Variants in TENM1 observed in about 807,000 individuals in gnomAD.
TENM1 encodes the protein teneurin transmembrane protein 1, also known as teneurin-1.
In TENM1, 35 loss-of-function variants were observed where a neutral mutation model predicts 174.8. The ratio of observed to expected loss-of-function variants is 0.20; its 90% CI spans 0.15 to 0.27. The LOEUF (loss-of-function observed/expected upper bound fraction) is 0.27, where lower values mean the gene tolerates loss of function less well. TENM1 is among the 10% of genes least tolerant of loss of function. The pLI, the probability that TENM1 is intolerant of heterozygous loss-of-function variation, is 1.00. For missense variants in TENM1, 1,633 were observed against 2,130.1 expected (o/e 0.77, Z 4.59); for synonymous variants, 781 against 798.7 (o/e 0.98, Z 0.37).
At chrX:124,452,842 GA>G (rs1397912854) in intron 23 of TENM1, among the ~76,000 whole-genome samples, 1 of 82,427 alleles carries the variant, frequency 1.2e-5, no homozygotes, top group Non-Finnish European at 2.3e-5. Flanking sequence ...CAGGAAGGGG[GA>G]CATCACTCAC....
chrX:124,858,637 T>C (rs944502571), intron 3 of TENM1, among the ~76,000 whole-genome samples: 1 of 112,111 alleles, frequency 8.9e-6, no homozygotes, highest in African/African-American at 3.2e-5. Flanking sequence ...TGAGCACATC[T>C]GTAATCCTTA....
At chrX:124,593,650 G>A (rs1239333326) in intron 11 of TENM1, among the ~76,000 whole-genome samples, 1 of 111,633 alleles carries the variant, frequency 9.0e-6, no homozygotes, top group Non-Finnish European at 1.9e-5. Flanking sequence ...AATGTTCTAA[G>A]TACCTGAATT....
chrX:124,399,610 C>T (rs958471136), intron 27 of TENM1, among the ~76,000 whole-genome samples: 13 of 112,064 alleles, frequency 1.2e-4, no homozygotes, highest in African/African-American at 4.2e-4. Context: ...TGCTCATATA[C>T]AGGTGAAATG....
chrX:124,677,497 A>T (rs2052118474), intron 5 of TENM1, among the ~76,000 whole-genome samples: 1 of 111,487 alleles, frequency 9.0e-6, no homozygotes, highest in African/African-American at 3.2e-5. Context: ...TTAAATTGAG[A>T]ATATTCCTTG....
At position 124,419,135 on chromosome X, in the gene TENM1, A is replaced by C. The variant is rs7052469; in HGVS notation, c.4982+1176T>G. On this transcript the variant is annotated intron_variant, in intron 25 of 31. Transcript: ENST00000422452. ...TGGAAGAGAATTACTTTCAAAAAAC[A>C]GAGGAAGACTTGCAACTGAAACAAC... Among the ~76,000 whole-genome samples the C allele has an allele frequency of 9.7e-3, 1,090 of 112,405 alleles. 14 individuals carry two copies. Among genetic ancestry groups the C allele is most frequent in the African/African-American group, 0.034 (1,055 of 30,929 alleles).
chrX:124,491,577 T>C lies in TENM1; in HGVS notation c.3696-4348A>G, dbSNP rs2047067503. Among the ~76,000 whole-genome samples the C allele has an allele frequency of 2.7e-5, 3 of 111,873 alleles. No homozygotes were observed. The Admixed American group carries it at 2.9e-4, about 11-fold the overall frequency. ...AAGCTTTAAGATGCATACATACGAA[T>C]GAAATCTGCAGGAAACAGGCAAAGG... On this transcript the variant is annotated intron_variant, in intron 20 of 31. Coordinates refer to ENST00000422452, the Ensembl canonical transcript of TENM1.
chrX:124,960,425 T>C (rs2058636196), intron 1 of TENM1, among the ~76,000 whole-genome samples: 1 of 112,388 alleles, frequency 8.9e-6, no homozygotes, highest in African/African-American at 3.2e-5. Context: ...GTTTTGAGTG[T>C]CTATTTTCTC....
chrX:125,191,008 T>A, the TENM1 span, among the ~76,000 whole-genome samples: 13 of 111,883 alleles, frequency 1.2e-4, no homozygotes, highest in Admixed American at 6.7e-4. Context: ...CATCTTTTTT[T>A]AATGGCCATT....
At position 124,671,760 on chromosome X, in the gene TENM1, C is replaced by A; in HGVS notation, c.1091G>T (p.Gly364Val). 8.3e-7 allele frequency: 1 copy of A among 1,210,312 alleles called. No individual in the cohort carries two copies. The highest frequency in any genetic ancestry group is 1.1e-6 in the Non-Finnish European group (1 of 894,444). Reference sequence around the variant, plus strand: ...GTCCATGGACTCGGTCCCCCTGTTCCCTTTGCTAACTCCATTTGCATACAG... The same window carrying A: ...GTCCATGGACTCGGTCCCCCTGTTCACTTTGCTAACTCCATTTGCATACAG... Residue 364 changes from glycine (G) to valine (V), a missense_variant, in exon 6 of 32, where the codon GGG becomes GTG. Gly to Val is a moderately radical substitution (Grantham distance 109). Transcript: ENST00000422452.
intron 3 of TENM1, among the ~76,000 whole-genome samples, chrX:124,761,202 C>T (rs1419990643): frequency 9.0e-6 from 1 of 110,769 alleles, no homozygotes; most frequent in Non-Finnish European, 1.9e-5. Flanking sequence ...GGTATATACC[C>T]AAAGGATTAC....
chrX:124,427,949 T>G (rs902606312), intron 23 of TENM1, among the ~76,000 whole-genome samples: 1 of 109,439 alleles, frequency 9.1e-6, no homozygotes, highest in Non-Finnish European at 1.9e-5. Context: ...ACTTCTTTTT[T>G]GGGGGGGTGG....
chrX:125,108,761 T>C, the TENM1 span, among the ~76,000 whole-genome samples: 3 of 104,287 alleles, frequency 2.9e-5, no homozygotes, highest in Non-Finnish European at 5.8e-5. Context: ...TATATATATA[T>C]ACACAGATGT....
At chrX:124,716,094 G>A (rs957473314) in intron 4 of TENM1, among the ~76,000 whole-genome samples, 1 of 111,696 alleles carries the variant, frequency 9.0e-6, no homozygotes. Context: ...TACATTAAAG[G>A]TAAGAATATT....
At chrX:125,107,453 A>T in the TENM1 span, among the ~76,000 whole-genome samples, 35 of 112,074 alleles carry the variant, frequency 3.1e-4, no homozygotes, top group African/African-American at 1.0e-3. Context: ...ATACTTTTTG[A>T]CATAACTATA....
chrX:125,084,378 A>AT, the TENM1 span, among the ~76,000 whole-genome samples: 4 of 108,771 alleles, frequency 3.7e-5, no homozygotes, highest in Non-Finnish European at 5.8e-5. Context: ...CCTGAAAACT[A>AT]TTTTTTTTTC....
chrX:124,616,903 G>C (rs1389668676), intron 11 of TENM1, among the ~76,000 whole-genome samples: 3 of 111,651 alleles, frequency 2.7e-5, no homozygotes, highest in Non-Finnish European at 5.7e-5. Context: ...GTGCCTATCT[G>C]AAGAAGGGAG....
At chrX:124,963,381 G>T (rs1483180163) in intron 1 of TENM1, among the ~76,000 whole-genome samples, 156 bp downstream of exon 4, 1 of 112,469 alleles carries the variant, frequency 8.9e-6, no homozygotes, top group Non-Finnish European at 1.9e-5. Flanking sequence ...AACCTCAGCT[G>T]GGCTGACATA....
chrX:125,106,325 T>A, the TENM1 span, among the ~76,000 whole-genome samples: 2 of 112,373 alleles, frequency 1.8e-5, no homozygotes, highest in Middle Eastern at 4.6e-3. Flanking sequence ...CCTTGCCAGT[T>A]TTGCAGACTA....
chrX:124,489,742 ACT>A, intron 20 of TENM1, among the ~76,000 whole-genome samples: 1 of 111,407 alleles, frequency 9.0e-6, no homozygotes, highest in Admixed American at 9.5e-5. Context: ...GCATCATGAG[ACT>A]CTGACTGGCC....
Sources: allele counts gnomAD v4.1 joint callset (sites outside exome capture counted in the v4.1 genomes callset), GRCh38; gene constraint gnomAD v4.1.1; transcripts MANE v1.5; gene names NCBI Gene and HGNC (gene_info 2026-07-23, HGNC 2026-07-21).